Variants in SNX29 observed in about 807,000 individuals in gnomAD.
The protein encoded by SNX29 is sorting nexin-29.
A neutral mutation model predicts 102.1 loss-of-function variants in SNX29; 78 were observed. That is an observed-to-expected ratio of 0.76 (90% CI 0.64 to 0.92). The LOEUF (loss-of-function observed/expected upper bound fraction) is 0.92. Among genes scored for constraint, SNX29 ranks in the 40% least tolerant of loss-of-function variants. SNX29 has a pLI of 0.00. For synonymous variants in SNX29, 580 were observed against 414.5 expected (o/e 1.40, Z -4.85); for missense variants, 1,280 against 1,061.7 (o/e 1.21, Z -2.86).
chr16:12,187,853 A>G (rs1596463748), intron 13 of SNX29, among the ~76,000 whole-genome samples: 1 of 152,118 alleles, frequency 6.6e-6, no homozygotes, highest in Admixed American at 6.6e-5. Flanking sequence ...AGGCTCCCTC[A>G]CCTTCCCATT....
At chr16:12,111,411 T>C (rs149301565) in intron 11 of SNX29, among the ~76,000 whole-genome samples, 2 of 152,358 alleles carry the variant, frequency 1.3e-5, no homozygotes, top group African/African-American at 4.8e-5. Flanking sequence ...CCAGCCACAC[T>C]GGCCTTTGAG....
chr16:12,571,110 C>T lies in SNX29; in HGVS notation c.*2481C>T, dbSNP rs1298624487. ...TCCCCGAAGCCTTCCCTTTGGAATC[C>T]CATAGAATGTTCTGCAATGATTGGG... On this transcript the variant is annotated 3_prime_UTR_variant, in exon 21 of 21. Transcript: ENST00000566228. The T allele has an allele frequency of 1.3e-5, 3 of 232,492 alleles. No individual in the cohort carries two copies. The highest frequency in any genetic ancestry group is 6.6e-5 in the African/African-American group (3 of 45,286). The allele number at this position is 232,492 out of a possible 1,614,324, so 14.4% of individuals were successfully genotyped here.
At chr16:12,526,837 C>G (rs376021970) in intron 20 of SNX29, 1 of 401,720 alleles carries the variant, frequency 2.5e-6, no homozygotes, top group Middle Eastern at 7.3e-4. Context: ...CCCAAACATT[C>G]GCGTGCCGAA....
intron 15 of SNX29, among the ~76,000 whole-genome samples, chr16:12,336,406 GT>G (rs1374737122): frequency 1.3e-5 from 2 of 152,236 alleles, no homozygotes; most frequent in Non-Finnish European, 2.9e-5. Context: ...CCCTGTGTCT[GT>G]CACCGTGTTG....
At chr16:12,219,378 A>G (rs954343727) in intron 14 of SNX29, among the ~76,000 whole-genome samples, 1 of 152,172 alleles carries the variant, frequency 6.6e-6, no homozygotes, top group Non-Finnish European at 1.5e-5. Flanking sequence ...TCATTGAGAC[A>G]CAACCTTCTG....
intron 11 of SNX29, among the ~76,000 whole-genome samples, chr16:12,122,050 A>C (rs1192447020): frequency 6.6e-6 from 1 of 152,156 alleles, no homozygotes. Context: ...TCCTGACCTG[A>C]AGTGATCTGC....
At chr16:12,496,605 G>C (rs1357766271) in intron 19 of SNX29, among the ~76,000 whole-genome samples, 1 of 150,032 alleles carries the variant, frequency 6.7e-6, no homozygotes, top group East Asian at 2.0e-4. Context: ...CTGCCTCCTG[G>C]GTTCAAACAG....
chr16:12,507,255 C>G (rs1442668425), intron 19 of SNX29, among the ~76,000 whole-genome samples: 1 of 152,192 alleles, frequency 6.6e-6, no homozygotes, highest in Non-Finnish European at 1.5e-5. Context: ...AAGCACTTAG[C>G]ACGGTGCCTG....
chr16:12,434,886 G>T (rs549533268), intron 18 of SNX29, among the ~76,000 whole-genome samples: 1 of 145,406 alleles, frequency 6.9e-6, no homozygotes, highest in South Asian at 2.3e-4. Flanking sequence ...ACAGACGTCT[G>T]TTACAAAGTA....
chr16:12,541,819 C>T (rs535266669), intron 20 of SNX29, among the ~76,000 whole-genome samples: 5 of 152,210 alleles, frequency 3.3e-5, no homozygotes, highest in South Asian at 2.1e-4. Context: ...GAACCAAGCT[C>T]GCCTCTTCCC....
At position 11,999,284 on chromosome 16, in the gene SNX29, C is replaced by T; in HGVS notation, c.8-13C>T. The T allele has an allele frequency of 6.2e-7, 1 of 1,613,882 alleles. No individual in the cohort carries two copies. The highest frequency in any genetic ancestry group is 8.5e-7 in the Non-Finnish European group (1 of 1,179,832). On this transcript the variant is annotated splice_polypyrimidine_tract_variant and intron_variant, in intron 1 of 20. Transcript: ENST00000566228. ...GCGTCAGAGAGAACTAATTAAGCCT[C>T]ATTGCATTTTAGGATCACAGAACAA...
intron 20 of SNX29, among the ~76,000 whole-genome samples, chr16:12,568,014 A>G (rs2079084724): frequency 6.6e-6 from 1 of 152,168 alleles, no homozygotes; most frequent in Non-Finnish European, 1.5e-5. Flanking sequence ...TACCATGCCA[A>G]ACAACCTTTT....
intron 20 of SNX29, among the ~76,000 whole-genome samples, chr16:12,554,612 T>A (rs2078207417): frequency 6.6e-6 from 1 of 152,216 alleles, no homozygotes; most frequent in South Asian, 2.1e-4. Flanking sequence ...AGGAGCTCAC[T>A]CACACATACC....
rs928919680 is a variant in SNX29, at chr16:12,571,034, C to G, written c.*2405C>G. 6 of 232,740 alleles carry G rather than the reference C, an allele frequency of 2.6e-5. No individual in the cohort carries two copies. The highest frequency in any genetic ancestry group is 1.3e-4 in the African/African-American group (6 of 45,310). 14.4% of individuals were successfully genotyped at this position (232,740 alleles called of 1,614,324 possible). ...GAGTCATCTCGCAGATCCAGACCAT[C>G]TCCTCTCATTCTCACTCTAAAAATG... On this transcript the variant is annotated 3_prime_UTR_variant, in exon 21 of 21. Coordinates refer to ENST00000566228, the MANE Select transcript of SNX29 (RefSeq NM_032167.5).
intron 19 of SNX29, among the ~76,000 whole-genome samples, chr16:12,509,313 A>C (rs1436411012): frequency 6.6e-6 from 1 of 152,208 alleles, no homozygotes; most frequent in East Asian, 1.9e-4. Context: ...CTGTCAGCCC[A>C]GCGAGCCCCT....
chr16:12,248,983 G>A (rs1417817946), intron 14 of SNX29, among the ~76,000 whole-genome samples: 4 of 152,130 alleles, frequency 2.6e-5, no homozygotes, highest in African/African-American at 4.8e-5. Context: ...TGGGAAGTGC[G>A]GTGCTGGGTC....
chr16:12,205,327 CTG>C (rs775956607), intron 14 of SNX29, among the ~76,000 whole-genome samples: 2 of 152,190 alleles, frequency 1.3e-5, no homozygotes, highest in Non-Finnish European at 2.9e-5. Context: ...AAAGCTGGCT[CTG>C]TGTGTGTATG....
At chr16:12,237,233 GGAGTTTCT>G in intron 14 of SNX29, among the ~76,000 whole-genome samples, 1 of 152,166 alleles carries the variant, frequency 6.6e-6, no homozygotes, top group Non-Finnish European at 1.5e-5. Flanking sequence ...ACAGAAAAAG[GGAGTTTCT>G]GAAGCCCAGC....
At chr16:12,549,195 C>T (rs1168377166) in intron 20 of SNX29, among the ~76,000 whole-genome samples, 1 of 152,130 alleles carries the variant, frequency 6.6e-6, no homozygotes, top group African/African-American at 2.4e-5. Flanking sequence ...GGCTAGGCAC[C>T]CCTCACGATG....
Sources: gnomAD v4.1 joint callset for allele counts (sites outside exome capture counted in the v4.1 genomes callset) on GRCh38, gnomAD v4.1.1 for gene constraint, MANE v1.5 for transcripts, NCBI Gene and HGNC (gene_info 2026-07-23, HGNC 2026-07-21) for gene names.